The following CDC42BPA variants were observed in gnomAD, a reference collection of about 807,000 sequenced individuals.
CDC42BPA encodes the protein CDC42 binding protein kinase alpha.
In CDC42BPA, 80 loss-of-function variants were observed where a neutral mutation model predicts 223.5. The observed-to-expected ratio is 0.36, with a 90% CI of 0.30 to 0.43. The LOEUF is 0.43. CDC42BPA is among the 20% of genes least tolerant of loss of function. The probability of loss-of-function intolerance (pLI) is 1.00; values close to 1 mark genes in which losing one functional copy is unlikely to be tolerated. For synonymous variants in CDC42BPA, 694 were observed against 718.6 expected (o/e 0.97, Z 0.55); for missense variants, 1,743 against 2,099.9 (o/e 0.83, Z 3.32).
chr1:227,092,540 T>TTG (rs1323016978), intron 15 of CDC42BPA, among the ~76,000 whole-genome samples: 3 of 152,194 alleles, frequency 2.0e-5, no homozygotes, highest in Non-Finnish European at 4.4e-5. Context: ...ATACTTTTCT[T>TTG]TGTGTATTTC....
chr1:227,256,800 G>A (rs934859750), intron 1 of CDC42BPA, among the ~76,000 whole-genome samples: 1 of 151,962 alleles, frequency 6.6e-6, no homozygotes, highest in Non-Finnish European at 1.5e-5. Flanking sequence ...CCATTCCTAT[G>A]TACCCAAGAG....
intron 16 of CDC42BPA, among the ~76,000 whole-genome samples, chr1:227,089,554 AC>A (rs202025209): frequency 0.022 from 3,282 of 151,844 alleles, 43 homozygotes; most frequent in Non-Finnish European, 0.032. Context: ...ATATTTACCT[AC>A]CATATGAATT....
intron 17 of CDC42BPA, 51 bp downstream of exon 17, chr1:227,080,842 T>C: frequency 6.2e-7 from 1 of 1,604,524 alleles, no homozygotes; most frequent in East Asian, 2.2e-5. Flanking sequence ...CATACCAACT[T>C]GGCCACATAC....
rs367727810 is a variant in CDC42BPA, at chr1:227,154,525, T to C, written c.693+6018A>G. Reference sequence around the variant, plus strand: ...ACCGATAAAAAATTAGCAAGATTGCTAGATTCAGGATGAATATACAAAATC... The same window carrying C: ...ACCGATAAAAAATTAGCAAGATTGCCAGATTCAGGATGAATATACAAAATC... On this transcript the variant is annotated intron_variant, in intron 6 of 36. Coordinates refer to ENST00000366766, the MANE Select transcript of CDC42BPA (RefSeq NM_001394014.1). 3.6e-4 allele frequency among the ~76,000 whole-genome samples: 55 copies of C among 152,148 alleles called. No homozygotes were observed. The South Asian group carries it at 4.4e-3, about 12-fold the overall frequency.
intron 10 of CDC42BPA, among the ~76,000 whole-genome samples, chr1:227,139,183 T>C (rs537010560): frequency 2.5e-4 from 38 of 152,240 alleles, no homozygotes; most frequent in South Asian, 2.5e-3. Flanking sequence ...CATTTTAAAA[T>C]CACCAAATAT....
At chr1:227,145,307 C>T (rs1660521610) in intron 8 of CDC42BPA, among the ~76,000 whole-genome samples, 182 bp downstream of exon 8, 1 of 152,160 alleles carries the variant, frequency 6.6e-6, no homozygotes, top group Admixed American at 6.6e-5. Context: ...ACTATGTTCA[C>T]CTCAGTTAAC....
intron 14 of CDC42BPA, among the ~76,000 whole-genome samples, chr1:227,111,461 G>C (rs951810825): frequency 6.6e-6 from 1 of 152,058 alleles, no homozygotes; most frequent in Non-Finnish European, 1.5e-5. Flanking sequence ...TTATAGAGGA[G>C]AAAATTAAAG....
At chr1:227,156,570 A>C (rs915625602) in intron 6 of CDC42BPA, among the ~76,000 whole-genome samples, 3 of 152,140 alleles carry the variant, frequency 2.0e-5, no homozygotes, top group African/African-American at 7.2e-5. Context: ...AGTATGCTAG[A>C]AACAAAACAT....
At chr1:227,254,935 G>C (rs1287742388) in intron 1 of CDC42BPA, among the ~76,000 whole-genome samples, 1 of 152,132 alleles carries the variant, frequency 6.6e-6, no homozygotes, top group Non-Finnish European at 1.5e-5. Context: ...AATGAAGAGA[G>C]GCGAGGAAGT....
At chr1:227,148,772 CAAA>C (rs57635319) in intron 6 of CDC42BPA, among the ~76,000 whole-genome samples, 7 of 78,786 alleles carry the variant, frequency 8.9e-5, no homozygotes, top group Admixed American at 1.9e-4. Flanking sequence ...GTCTCAAAAG[CAAA>C]AAAAAAAAAA....
intron 5 of CDC42BPA, among the ~76,000 whole-genome samples, chr1:227,177,136 A>AATAT (rs1553378356): frequency 5.4e-5 from 8 of 147,510 alleles, no homozygotes; most frequent in South Asian, 2.1e-4. Flanking sequence ...AGAAAAAAAA[A>AATAT]ATATATATAT....
chr1:227,143,131 T>A, intron 8 of CDC42BPA, 107 bp from the exon 9 acceptor site: 1 of 617,444 alleles, frequency 1.6e-6, no homozygotes, highest in Non-Finnish European at 2.5e-6. Flanking sequence ...AAATTGTGAC[T>A]GTTCAATTTT....
chr1:227,237,729 G>A (rs998982979), intron 2 of CDC42BPA, among the ~76,000 whole-genome samples: 2 of 152,148 alleles, frequency 1.3e-5, no homozygotes, highest in East Asian at 3.8e-4. Flanking sequence ...TTATCCAGTT[G>A]TCTCAGGACC....
chr1:227,258,715 T>C (rs1683533090), intron 1 of CDC42BPA, among the ~76,000 whole-genome samples: 1 of 151,078 alleles, frequency 6.6e-6, no homozygotes, highest in Non-Finnish European at 1.5e-5. Flanking sequence ...AAACTGATTA[T>C]ACGTTCAACT....
chr1:227,104,389 T>C (rs1685546076), intron 14 of CDC42BPA, among the ~76,000 whole-genome samples: 1 of 152,190 alleles, frequency 6.6e-6, no homozygotes, highest in Non-Finnish European at 1.5e-5. Flanking sequence ...GATAGTCTTC[T>C]TGAATTATTT....
At position 227,317,223 on chromosome 1, in the gene CDC42BPA, G is replaced by C. The variant is rs41303091; in HGVS notation, c.-41C>G. 6.3e-7 allele frequency: 1 copy of C among 1,576,290 alleles called. No homozygotes were observed. Among genetic ancestry groups the C allele is most frequent in the Admixed American group, 1.9e-5 (1 of 52,038 alleles). The stretch of plus-strand genomic sequence containing the variant: ...TGCTGGTTTTCCTTTAAATTATTAT[G>C]ATGACTTTTACTATTATCTGAACCT... On this transcript the variant is annotated 5_prime_UTR_variant, in exon 1 of 37. It adds an upstream start codon to the 5' untranslated region. Coordinates refer to ENST00000366766, the MANE Select transcript of CDC42BPA (RefSeq NM_001394014.1).
chr1:227,157,952 T>C (rs1003843265), intron 6 of CDC42BPA, among the ~76,000 whole-genome samples: 2 of 119,072 alleles, frequency 1.7e-5, no homozygotes, highest in Non-Finnish European at 3.6e-5. Context: ...AATATTTTTA[T>C]AACTTTTTTT....
intron 21 of CDC42BPA, among the ~76,000 whole-genome samples, chr1:227,061,527 A>G (rs1572560141): frequency 1.0e-5 from 1 of 96,546 alleles, no homozygotes; most frequent in Middle Eastern, 6.2e-3. Context: ...AAAATGGTAT[A>G]CAAATGCCGT....
At chr1:227,167,730 A>C (rs535067781) in intron 5 of CDC42BPA, among the ~76,000 whole-genome samples, 7 of 152,284 alleles carry the variant, frequency 4.6e-5, no homozygotes, top group Admixed American at 2.0e-4. Flanking sequence ...TTTTGCTTTA[A>C]GCAGTCATAT....
Sources: gnomAD v4.1 joint callset for allele counts (sites outside exome capture counted in the v4.1 genomes callset) on GRCh38, gnomAD v4.1.1 for gene constraint, MANE v1.5 for transcripts, NCBI Gene and HGNC (gene_info 2026-07-23, HGNC 2026-07-21) for gene names.